SLC24A2: variants seen among roughly 807,000 people sequenced by gnomAD.
SLC24A2 encodes solute carrier family 24 member 2.
SLC24A2 carries 36 observed loss-of-function variants against 62.0 expected under a neutral mutation model. The observed-to-expected ratio is 0.58, with a 90% CI of 0.44 to 0.77. SLC24A2 has a LOEUF of 0.77. Among genes scored for constraint, SLC24A2 ranks in the 30% least tolerant of loss-of-function variants. The pLI, the probability that SLC24A2 is intolerant of heterozygous loss-of-function variation, is 0.00. For synonymous variants in SLC24A2, 358 were observed against 294.0 expected (o/e 1.22, Z -2.23); for missense variants, 846 against 817.9 (o/e 1.03, Z -0.42).
the SLC24A2 span, among the ~76,000 whole-genome samples, chr9:19,984,608 A>G: frequency 1.3e-5 from 2 of 152,206 alleles, no homozygotes; most frequent in Admixed American, 6.5e-5. Context: ...CAGTAGGCTG[A>G]GGCAGGAGAA....
chr9:20,110,985 A>C, the SLC24A2 span, among the ~76,000 whole-genome samples: 1 of 152,216 alleles, frequency 6.6e-6, no homozygotes, highest in Non-Finnish European at 1.5e-5. Context: ...AGCATCTTAT[A>C]AATATACTTG....
chr9:20,231,720 C>A, the SLC24A2 span, among the ~76,000 whole-genome samples: 1 of 152,070 alleles, frequency 6.6e-6, no homozygotes, highest in African/African-American at 2.4e-5. Context: ...ATTGAATACC[C>A]TTTATTTCTT....
chr9:19,722,407 C>T (rs74502587), intron 2 of SLC24A2, among the ~76,000 whole-genome samples: 3,185 of 152,104 alleles, frequency 0.021, 122 homozygotes, highest in African/African-American at 0.073. Context: ...TTATGACTTT[C>T]TATATAATAA....
the SLC24A2 span, among the ~76,000 whole-genome samples, chr9:19,865,788 G>A: frequency 2.0e-5 from 3 of 152,132 alleles, no homozygotes; most frequent in Non-Finnish European, 4.4e-5. Context: ...TTCAGTCTGG[G>A]CAAACATTTT....
chr9:19,940,362 G>A, the SLC24A2 span, among the ~76,000 whole-genome samples: 1 of 152,320 alleles, frequency 6.6e-6, no homozygotes, highest in South Asian at 2.1e-4. Flanking sequence ...AACAAGGCTA[G>A]GTGAACATTT....
chr9:19,605,500 A>G (rs1056063810), intron 4 of SLC24A2, among the ~76,000 whole-genome samples: 1 of 152,238 alleles, frequency 6.6e-6, no homozygotes, highest in African/African-American at 2.4e-5. Flanking sequence ...CTTTTGCTCA[A>G]TGAGAAGCTG....
the SLC24A2 span, among the ~76,000 whole-genome samples, chr9:20,183,842 A>C: frequency 8.2e-6 from 1 of 122,066 alleles, no homozygotes; most frequent in Non-Finnish European, 1.8e-5. Context: ...AGTGTAGATC[A>C]ATGGTTTTCA....
At chr9:19,890,277 A>C in the SLC24A2 span, among the ~76,000 whole-genome samples, 2 of 152,212 alleles carry the variant, frequency 1.3e-5, no homozygotes, top group Non-Finnish European at 2.9e-5. Context: ...GCCATATTCT[A>C]TTAGAAACAA....
At chr9:20,061,330 G>T in the SLC24A2 span, among the ~76,000 whole-genome samples, 2 of 151,968 alleles carry the variant, frequency 1.3e-5, no homozygotes, top group East Asian at 3.9e-4. Context: ...TGTTGCCCAG[G>T]CTGGAAGGCA....
the SLC24A2 span, among the ~76,000 whole-genome samples, chr9:20,031,606 A>G: frequency 1.3e-5 from 2 of 152,144 alleles, no homozygotes; most frequent in Non-Finnish European, 1.5e-5. Context: ...AATAACACCA[A>G]TGTCTATCAC....
chr9:19,999,926 G>C, the SLC24A2 span, among the ~76,000 whole-genome samples: 1 of 152,144 alleles, frequency 6.6e-6, no homozygotes, highest in Non-Finnish European at 1.5e-5. Flanking sequence ...GCTAGACTAG[G>C]AGTTCCCCAG....
intron 2 of SLC24A2, among the ~76,000 whole-genome samples, chr9:19,756,140 A>G (rs1822135290): frequency 2.0e-5 from 3 of 152,178 alleles, no homozygotes; most frequent in Non-Finnish European, 4.4e-5. Flanking sequence ...TTCAAATTTG[A>G]GCACTGAAAC....
chr9:20,266,093 C>CTGGTCCTG, the SLC24A2 span, among the ~76,000 whole-genome samples: 2 of 152,322 alleles, frequency 1.3e-5, no homozygotes, highest in South Asian at 4.1e-4. Context: ...TAATTTCGCC[C>CTGGTCCTG]TGGTCCTGTG....
chr9:20,097,255 C>A, the SLC24A2 span, among the ~76,000 whole-genome samples: 19 of 152,170 alleles, frequency 1.2e-4, no homozygotes, highest in Non-Finnish European at 1.0e-4. Flanking sequence ...AGCTGATGGA[C>A]AGAGTACTCC....
At chr9:19,647,190 G>A (rs1162364026) in intron 2 of SLC24A2, among the ~76,000 whole-genome samples, 1 of 151,668 alleles carries the variant, frequency 6.6e-6, no homozygotes, top group African/African-American at 2.4e-5. Context: ...CTACTAGGTT[G>A]TGAACTCTTC....
chr9:20,258,858 GTCTA>G, the SLC24A2 span, among the ~76,000 whole-genome samples: 2 of 96,286 alleles, frequency 2.1e-5, no homozygotes, highest in Middle Eastern at 5.2e-3. Flanking sequence ...TCTATCTAAT[GTCTA>G]TCTATCCATC....
chr9:20,094,667 T>C, the SLC24A2 span, among the ~76,000 whole-genome samples: 1 of 152,136 alleles, frequency 6.6e-6, no homozygotes, highest in Admixed American at 6.5e-5. Flanking sequence ...CACAGAATAA[T>C]CAGGAAAAGT....
At chr9:19,544,560 G>A (rs971595309) in intron 8 of SLC24A2, among the ~76,000 whole-genome samples, 3 of 152,220 alleles carry the variant, frequency 2.0e-5, no homozygotes, top group Non-Finnish European at 2.9e-5. Flanking sequence ...TTTTGCAGTG[G>A]CTGGTTCCAG....
chr9:19,582,235 T>C (rs1278372161), intron 5 of SLC24A2, among the ~76,000 whole-genome samples: 1 of 152,148 alleles, frequency 6.6e-6, no homozygotes, highest in Non-Finnish European at 1.5e-5. Context: ...AGAAGCTTCA[T>C]GCTGCATGGA....
Sources: gnomAD v4.1 joint callset for allele counts (sites outside exome capture counted in the v4.1 genomes callset) on GRCh38, gnomAD v4.1.1 for gene constraint, MANE v1.5 for transcripts, NCBI Gene and HGNC (gene_info 2026-07-23, HGNC 2026-07-21) for gene names.